PLA2G4A: variants seen among roughly 807,000 people sequenced by gnomAD.
PLA2G4A encodes the protein phospholipase A2 group IVA.
PLA2G4A carries 40 observed loss-of-function variants against 81.9 expected under a neutral mutation model. That is an observed-to-expected ratio of 0.49 (90% confidence interval 0.38 to 0.64). The LOEUF (loss-of-function observed/expected upper bound fraction) is 0.64. Among genes scored for constraint, PLA2G4A ranks in the 30% least tolerant of loss-of-function variants. The pLI is 0.00. For synonymous variants in PLA2G4A, 302 were observed against 296.9 expected, an observed-to-expected ratio of 1.02 and a Z score of -0.18; for missense variants, 715 against 905.1, an observed-to-expected ratio of 0.79 and a Z score of 2.69.
chr1:186,904,098 C>T (rs6656909), intron 5 of PLA2G4A, among the ~76,000 whole-genome samples: 11,203 of 152,196 alleles, frequency 0.074, 558 homozygotes, highest in Middle Eastern at 0.12. Context: ...TATAGTTTAT[C>T]TCCTCCAGTT....
intron 15 of PLA2G4A, among the ~76,000 whole-genome samples, chr1:186,971,936 C>T (rs1417399358): frequency 6.6e-6 from 1 of 151,924 alleles, no homozygotes. Flanking sequence ...ATGGATACTG[C>T]CTTTCACAAA....
intron 6 of PLA2G4A, among the ~76,000 whole-genome samples, chr1:186,908,142 T>A (rs544374005): frequency 7.6e-4 from 116 of 152,208 alleles, no homozygotes; most frequent in Non-Finnish European, 1.3e-3. Context: ...TCATGCCTTC[T>A]ATTAAAAATA....
rs28863289 is a variant in PLA2G4A, at chr1:186,912,809, T to C, written c.558+1420T>C. 1.6e-3 allele frequency among the ~76,000 whole-genome samples: 233 copies of C among 145,390 alleles called. 2 individuals carry two copies. Among genetic ancestry groups the C allele is most frequent in the Admixed American group, 3.0e-3 (43 of 14,386 alleles). ...TTATATATATATGTATATATATATATACATATATATGTATCTAATATAAGT... is the reference window on the plus strand; with the variant it reads ...TTATATATATATGTATATATATATACACATATATATGTATCTAATATAAGT... On this transcript the variant is annotated intron_variant, in intron 7 of 17. Coordinates refer to ENST00000367466, the MANE Select transcript of PLA2G4A (RefSeq NM_024420.3).
chr1:186,905,355 A>G (rs1654697541), intron 5 of PLA2G4A, among the ~76,000 whole-genome samples: 1 of 151,976 alleles, frequency 6.6e-6, no homozygotes, highest in South Asian at 2.1e-4. Flanking sequence ...GGTGATAAAA[A>G]CATTAAATCT....
intron 8 of PLA2G4A, among the ~76,000 whole-genome samples, chr1:186,937,822 C>T (rs1656008834): frequency 2.0e-5 from 3 of 151,626 alleles, no homozygotes; most frequent in South Asian, 4.2e-4. Flanking sequence ...ATTTAAATTT[C>T]CCAATGCTCT....
intron 1 of PLA2G4A, among the ~76,000 whole-genome samples, chr1:186,834,095 T>G (rs12047121): frequency 1.3e-5 from 2 of 151,516 alleles, no homozygotes; most frequent in African/African-American, 2.4e-5. Flanking sequence ...ACAAATGTCA[T>G]TAATATGTAT....
chr1:186,944,549 CGTT>C (rs1656270762), intron 10 of PLA2G4A, among the ~76,000 whole-genome samples: 1 of 152,122 alleles, frequency 6.6e-6, no homozygotes, highest in Admixed American at 6.6e-5. Context: ...CCACGTAAAT[CGTT>C]GTAAATCACA....
intron 2 of PLA2G4A, among the ~76,000 whole-genome samples, chr1:186,858,055 C>T (rs1389567263): frequency 6.6e-6 from 1 of 151,964 alleles, no homozygotes; most frequent in Non-Finnish European, 1.5e-5. Context: ...TGAATAGTGC[C>T]ACAATAAACA....
chr1:186,832,153 A>C (rs1651616013), intron 1 of PLA2G4A, among the ~76,000 whole-genome samples: 1 of 152,050 alleles, frequency 6.6e-6, no homozygotes. Context: ...TTAGTTTTCC[A>C]CTATTATAAA....
intron 7 of PLA2G4A, among the ~76,000 whole-genome samples, chr1:186,918,512 G>A (rs902635655): frequency 6.6e-6 from 1 of 152,170 alleles, no homozygotes; most frequent in Admixed American, 6.5e-5. Flanking sequence ...GTGCCCTGTA[G>A]CCACAGTTTG....
chr1:186,854,255 A>G (rs2102027283), intron 1 of PLA2G4A, 31 bp from the exon 2 acceptor site: 1 of 767,422 alleles, frequency 1.3e-6, no homozygotes, highest in Middle Eastern at 2.6e-4. Context: ...TCCAAGAGGA[A>G]GCTTAACAAT....
intron 15 of PLA2G4A, among the ~76,000 whole-genome samples, chr1:186,968,873 T>C (rs1466941016): frequency 7.0e-6 from 1 of 143,262 alleles, no homozygotes; most frequent in Non-Finnish European, 1.5e-5. Context: ...ATGCCTTTGC[T>C]GGCAGGAAAA....
intron 7 of PLA2G4A, among the ~76,000 whole-genome samples, chr1:186,923,160 G>C (rs887793830): frequency 2.6e-5 from 4 of 152,150 alleles, no homozygotes; most frequent in African/African-American, 9.7e-5. Context: ...AAGCCACCAT[G>C]CCTGGCCAAA....
chr1:186,878,001 T>C (rs1653569769), intron 3 of PLA2G4A, among the ~76,000 whole-genome samples: 1 of 149,860 alleles, frequency 6.7e-6, no homozygotes, highest in South Asian at 2.1e-4. Context: ...TAATTAATCT[T>C]TTTTACATTA....
chr1:186,883,225 C>G (rs936529691), intron 3 of PLA2G4A, among the ~76,000 whole-genome samples: 2 of 151,822 alleles, frequency 1.3e-5, no homozygotes, highest in African/African-American at 2.4e-5. Context: ...AAAGAAAATC[C>G]AGAACTGATT....
intron 2 of PLA2G4A, among the ~76,000 whole-genome samples, chr1:186,869,819 T>G (rs1571350245): frequency 6.6e-6 from 1 of 152,210 alleles, no homozygotes; most frequent in East Asian, 1.9e-4. Context: ...TTGATAACTG[T>G]TTCCCATTTA....
chr1:186,984,949 C>T (rs183055414), intron 17 of PLA2G4A, among the ~76,000 whole-genome samples: 7 of 152,252 alleles, frequency 4.6e-5, no homozygotes, highest in Middle Eastern at 3.4e-3. Flanking sequence ...TCATGGATTA[C>T]TTAGGCAGGT....
intron 3 of PLA2G4A, among the ~76,000 whole-genome samples, chr1:186,880,753 ACT>A (rs1274068420): frequency 6.6e-6 from 1 of 152,014 alleles, no homozygotes; most frequent in African/African-American, 2.4e-5. Context: ...CTGGAGAATT[ACT>A]CTTTCTATTC....
intron 2 of PLA2G4A, among the ~76,000 whole-genome samples, chr1:186,857,998 A>G (rs1015464269): frequency 7.9e-5 from 12 of 152,106 alleles, no homozygotes; most frequent in African/African-American, 2.4e-4. Flanking sequence ...AATCCAGTCT[A>G]TCATTCATTG....
Sources: gnomAD v4.1 joint callset for allele counts (sites outside exome capture counted in the v4.1 genomes callset) on GRCh38, gnomAD v4.1.1 for gene constraint, MANE v1.5 for transcripts, NCBI Gene and HGNC (gene_info 2026-07-23, HGNC 2026-07-21) for gene names.